The following BBX variants were observed in gnomAD, a reference collection of about 807,000 sequenced individuals.
BBX encodes BBX high mobility group box domain containing.
Under a neutral mutation model 100.2 loss-of-function variants are expected in BBX, and 30 were observed. That is an observed-to-expected ratio of 0.30 (90% CI 0.22 to 0.41). The LOEUF (loss-of-function observed/expected upper bound fraction) is 0.41, where lower values mean the gene tolerates loss of function less well. Among genes scored for constraint, BBX ranks in the 10% least tolerant of loss-of-function variants. The pLI, the probability that BBX is intolerant of heterozygous loss-of-function variation, is 1.00. For missense variants in BBX, 1,023 were observed against 1,129.8 expected (o/e 0.91, Z 1.35); for synonymous variants, 376 against 388.1 (o/e 0.97, Z 0.37).
At chr3:107,767,179 A>G (rs1354564418) in intron 10 of BBX, among the ~76,000 whole-genome samples, 1 of 152,212 alleles carries the variant, frequency 6.6e-6, no homozygotes, top group South Asian at 2.1e-4. Flanking sequence ...CTGCATATGT[A>G]TCCCATAACT....
intron 2 of BBX, among the ~76,000 whole-genome samples, chr3:107,597,020 T>C (rs1009115892): frequency 1.3e-5 from 2 of 152,222 alleles, no homozygotes; most frequent in African/African-American, 4.8e-5. Context: ...AACTATGGAT[T>C]ACTTTATTGA....
At chr3:107,674,628 G>T (rs538238212) in intron 3 of BBX, among the ~76,000 whole-genome samples, 1 of 152,172 alleles carries the variant, frequency 6.6e-6, no homozygotes, top group African/African-American at 2.4e-5. Flanking sequence ...TACCAAATCT[G>T]TGTACTTGCA....
chr3:107,611,393 C>T (rs1341905985), intron 2 of BBX, among the ~76,000 whole-genome samples: 1 of 152,136 alleles, frequency 6.6e-6, no homozygotes. Context: ...TGAAGAACTT[C>T]CTGTAGCTTT....
chr3:107,753,758 C>T (rs1176663684), intron 9 of BBX, among the ~76,000 whole-genome samples: 1 of 152,174 alleles, frequency 6.6e-6, no homozygotes, highest in African/African-American at 2.4e-5. Context: ...TGCAGTGCTA[C>T]GCAGCTTGTG....
intron 3 of BBX, chr3:107,662,552 A>G (rs2058508006): frequency 6.6e-6 from 1 of 152,172 alleles, no homozygotes; most frequent in Non-Finnish European, 1.5e-5. Context: ...GTACTGTGAC[A>G]TAAAATTGAT....
Position 107,583,927 on chromosome 3 carries a change from TAA to T in BBX, c.-84+57530_-84+57531del, listed in dbSNP as rs1491295457. On this transcript the variant is annotated intron_variant, in intron 2 of 17. Transcript: ENST00000325805. The stretch of plus-strand genomic sequence containing the variant: ...TAAAGTATAAATTATACTTTATATA[TAA>T]TATATATATTATATATATTATTATA... Among the ~76,000 whole-genome samples, 59 of 87,688 alleles carry T rather than the reference TAA, an allele frequency of 6.7e-4. 1 individual carries two copies. In the East Asian group the frequency reaches 0.016, roughly 23 times the overall value. The allele number at this position is 87,688 out of a possible 152,430, so 57.5% of individuals were successfully genotyped here.
chr3:107,780,806 G>A (rs573391223), intron 13 of BBX, among the ~76,000 whole-genome samples: 5 of 152,132 alleles, frequency 3.3e-5, no homozygotes, highest in African/African-American at 1.2e-4. Context: ...CAGCTGTGCT[G>A]TAATTGCCTG....
At chr3:107,734,850 A>C (rs966980664) in intron 7 of BBX, among the ~76,000 whole-genome samples, 3 of 152,062 alleles carry the variant, frequency 2.0e-5, no homozygotes, top group African/African-American at 7.2e-5. Context: ...GACACATGCA[A>C]CTCAATACTG....
chr3:107,642,613 A>G (rs2107773809), intron 2 of BBX, among the ~76,000 whole-genome samples: 1 of 152,308 alleles, frequency 6.6e-6, no homozygotes, highest in Admixed American at 6.5e-5. Flanking sequence ...GAAAGCAGTC[A>G]TTTAAAAATT....
intron 8 of BBX, 38 bp downstream of exon 8, chr3:107,744,748 T>C (rs774995663): frequency 1.3e-6 from 2 of 1,538,794 alleles, no homozygotes; most frequent in South Asian, 2.2e-5. Flanking sequence ...AATGAGGAAA[T>C]TGTAAAGTGG....
At chr3:107,624,460 A>G (rs914423367) in intron 2 of BBX, among the ~76,000 whole-genome samples, 3 of 152,230 alleles carry the variant, frequency 2.0e-5, no homozygotes, top group Non-Finnish European at 2.9e-5. Flanking sequence ...CAGTGTATGA[A>G]AAGTTATTTA....
At chr3:107,600,582 A>T (rs1261111011) in intron 2 of BBX, among the ~76,000 whole-genome samples, 1 of 152,230 alleles carries the variant, frequency 6.6e-6, no homozygotes, top group East Asian at 1.9e-4. Flanking sequence ...GTAGTGCTTA[A>T]ATCTTTGAAA....
At chr3:107,798,845 AAAAAAC>A in intron 16 of BBX, 125 bp downstream of exon 16, 1 of 1,092,620 alleles carries the variant, frequency 9.2e-7, no homozygotes, top group Non-Finnish European at 1.3e-6. Flanking sequence ...TAAAAAAAAA[AAAAAAC>A]AAAAACAAAA....
chr3:107,718,335 G>A (rs1398567556), intron 5 of BBX, among the ~76,000 whole-genome samples: 1 of 148,740 alleles, frequency 6.7e-6, no homozygotes, highest in Non-Finnish European at 1.5e-5. Context: ...AATCATACAA[G>A]ACTTCAAAAA....
intron 2 of BBX, among the ~76,000 whole-genome samples, chr3:107,618,116 A>G (rs539162863): frequency 2.6e-5 from 4 of 152,002 alleles, no homozygotes; most frequent in Non-Finnish European, 4.4e-5. Context: ...TAATATTTCT[A>G]TACATCAATA....
intron 13 of BBX, among the ~76,000 whole-genome samples, chr3:107,787,907 G>A (rs2068603480): frequency 6.6e-6 from 1 of 152,210 alleles, no homozygotes; most frequent in South Asian, 2.1e-4. Context: ...GAGACTACAT[G>A]TGCAGAGGAC....
intron 2 of BBX, chr3:107,641,654 A>G (rs967402233): frequency 6.6e-6 from 1 of 152,206 alleles, no homozygotes; most frequent in African/African-American, 2.4e-5. Flanking sequence ...ACTATATTTA[A>G]TGTTTTTCAA....
At chr3:107,714,387 T>C (rs911258893) in intron 4 of BBX, among the ~76,000 whole-genome samples, 3 of 151,496 alleles carry the variant, frequency 2.0e-5, no homozygotes, top group African/African-American at 7.2e-5. Flanking sequence ...GTCAGCACAC[T>C]GCTTTTAAAT....
intron 12 of BBX, among the ~76,000 whole-genome samples, chr3:107,777,158 A>G (rs1378823383): frequency 2.0e-5 from 3 of 152,144 alleles, no homozygotes; most frequent in Admixed American, 2.0e-4. Context: ...ACCTTTGTCT[A>G]TCATATTTCA....
Sources: allele counts gnomAD v4.1 joint callset (sites outside exome capture counted in the v4.1 genomes callset), GRCh38; gene constraint gnomAD v4.1.1; transcripts MANE v1.5; gene names NCBI Gene and HGNC (gene_info 2026-07-23, HGNC 2026-07-21).